CWF19L1: variants seen among roughly 807,000 people sequenced by gnomAD.
CWF19L1 encodes the protein CWF19 like cell cycle control factor 1.
Under a neutral mutation model 69.7 loss-of-function variants are expected in CWF19L1, and 60 were observed. That is an observed-to-expected ratio of 0.86 (90% CI 0.70 to 1.07). The LOEUF (loss-of-function observed/expected upper bound fraction) is 1.07, where lower values mean the gene tolerates loss of function less well. Ranked by LOEUF, CWF19L1 falls within the 50% of genes least tolerant of loss-of-function variation. The probability of loss-of-function intolerance (pLI) is 0.00; values close to 1 mark genes in which losing one functional copy is unlikely to be tolerated. For missense variants in CWF19L1, 591 were observed against 638.9 expected, an observed-to-expected ratio of 0.92 and a Z score of 0.81; for synonymous variants, 209 against 222.2, an observed-to-expected ratio of 0.94 and a Z score of 0.53.
chr10:100,261,380 G>A (rs1332230361), intron 2 of CWF19L1, among the ~76,000 whole-genome samples: 1 of 152,040 alleles, frequency 6.6e-6, no homozygotes, highest in African/African-American at 2.4e-5. Flanking sequence ...TCCTTCCCTG[G>A]AATATACAGT....
intron 9 of CWF19L1, 109 bp downstream of exon 9, chr10:100,245,690 A>C: frequency 1.3e-6 from 1 of 781,448 alleles, no homozygotes; most frequent in Non-Finnish European, 2.1e-6. Flanking sequence ...GACTCATTGC[A>C]CAATTCTCCC....
chr10:100,258,871 A>T lies in CWF19L1; in HGVS notation c.289+1347T>A, dbSNP rs534258868. Among the ~76,000 whole-genome samples the T allele has an allele frequency of 7.3e-5, 11 of 151,432 alleles. No individual in the cohort carries two copies. The East Asian group carries it at 2.1e-3, about 29-fold the overall frequency. On this transcript the variant is annotated intron_variant, in intron 4 of 13. Transcript: ENST00000354105. ...GAAGTTTTCTAGAGAAATAAGACCA[A>T]CAAGGAGGAAATGTGAAGAATAGTA...
In CWF19L1 at chr10:100,237,940, C is replaced by T. The variant is rs1305851564; in HGVS notation, c.1254+82G>A. On this transcript the variant is annotated intron_variant, in intron 11 of 13. Transcript: ENST00000354105. Reference sequence around the variant, plus strand: ...CTAGGATTACAGGCGTGAGCCACCTCGCCCAGCCTATTTAAATACTTATTT... The same window carrying T: ...CTAGGATTACAGGCGTGAGCCACCTTGCCCAGCCTATTTAAATACTTATTT... 25 of 1,369,064 alleles carry T rather than the reference C, an allele frequency of 1.8e-5. No homozygotes were observed. The Admixed American group carries it at 2.2e-4, about 12-fold the overall frequency. The allele number at this position is 1,369,064 out of a possible 1,614,324, so 84.8% of individuals were successfully genotyped here. A position where few individuals can be genotyped will look rare whatever the true frequency, so the allele number is the denominator to read the frequency against.
At chr10:100,267,431 T>A in intron 1 of CWF19L1, 140 bp downstream of exon 1, 2 of 1,555,404 alleles carry the variant, frequency 1.3e-6, no homozygotes, top group South Asian at 2.4e-5. Context: ...GGCAAAGACA[T>A]CACCTAAGCT....
chr10:100,252,834 CAAA>C (rs80333735), intron 6 of CWF19L1, among the ~76,000 whole-genome samples: 1 of 101,200 alleles, frequency 9.9e-6, no homozygotes. Flanking sequence ...GACTCCGTCT[CAAA>C]AAAAAAAAAA....
intron 4 of CWF19L1, among the ~76,000 whole-genome samples, chr10:100,256,826 A>G (rs1055771608): frequency 6.6e-6 from 1 of 152,204 alleles, no homozygotes; most frequent in Non-Finnish European, 1.5e-5. Context: ...AAATGCAGAC[A>G]TCTGGACACA....
At chr10:100,240,648 A>G (rs1417903577) in intron 10 of CWF19L1, among the ~76,000 whole-genome samples, 1 of 152,194 alleles carries the variant, frequency 6.6e-6, no homozygotes, top group Non-Finnish European at 1.5e-5. Flanking sequence ...GGAAAAGAAA[A>G]GTCACTTCTC....
intron 3 of CWF19L1, among the ~76,000 whole-genome samples, chr10:100,260,534 T>A (rs981026784): frequency 3.9e-5 from 6 of 152,032 alleles, no homozygotes; most frequent in South Asian, 2.1e-4. Context: ...TTTATTTTTT[T>A]TTTTTTGAGA....
At chr10:100,244,030 A>G (rs1846723181) in intron 9 of CWF19L1, among the ~76,000 whole-genome samples, 1 of 152,246 alleles carries the variant, frequency 6.6e-6, no homozygotes. Context: ...TGACTAAAGT[A>G]GCACATAACT....
chr10:100,237,141 A>T, intron 11 of CWF19L1, 172 bp from the exon 12 acceptor site: 1 of 815,614 alleles, frequency 1.2e-6, no homozygotes, highest in South Asian at 1.4e-5. Context: ...ACTTAAACTT[A>T]TGAGATAGCC....
In CWF19L1 at chr10:100,252,525, G is replaced by GA. The variant is rs555244988; in HGVS notation, c.623+895dup. ...AAAAACTCCACCTCTGAGTGCAAAA[G>GA]AAAAAAAATAAAAAAAAATATTTTC... On this transcript the variant is annotated intron_variant, in intron 6 of 13. Coordinates refer to ENST00000354105, the MANE Select transcript of CWF19L1 (RefSeq NM_018294.6). 1.0e-2 allele frequency among the ~76,000 whole-genome samples: 1,501 copies of GA among 150,842 alleles called. 26 individuals are homozygous for GA. Among genetic ancestry groups the GA allele is most frequent in the African/African-American group, 0.035 (1,443 of 41,202 alleles).
At chr10:100,266,091 G>A (rs950512973) in intron 1 of CWF19L1, among the ~76,000 whole-genome samples, 2 of 151,792 alleles carry the variant, frequency 1.3e-5, no homozygotes, top group East Asian at 1.9e-4. Context: ...TAACATTCTC[G>A]GGAAGCCTTC....
At chr10:100,253,348 G>A (rs572190126) in intron 6 of CWF19L1, 73 bp downstream of exon 6, 15 of 893,058 alleles carry the variant, frequency 1.7e-5, no homozygotes, top group African/African-American at 6.7e-5. Flanking sequence ...GGTTAAAAAC[G>A]AACAAGAGAA....
At chr10:100,257,866 G>A (rs1847266892) in intron 4 of CWF19L1, among the ~76,000 whole-genome samples, 1 of 151,824 alleles carries the variant, frequency 6.6e-6, no homozygotes, top group South Asian at 2.1e-4. Flanking sequence ...TTAATAATTT[G>A]ATCCTCTTCT....
Position 100,243,738 on chromosome 10 carries a change from G to A in CWF19L1, c.1004C>T (p.Pro335Leu). 6.2e-7 allele frequency: 1 copy of A among 1,614,156 alleles called. No homozygotes were observed. The highest frequency in any genetic ancestry group is 1.1e-5 in the South Asian group (1 of 91,080). The change falls in exon 10 of 14, where the codon CCT (proline) becomes CTT (leucine). Residue 335 changes from proline (P) to leucine (L), a missense_variant. By Grantham distance (98) the Pro-to-Leu change is moderately conservative (BLOSUM62 -3). Transcript: ENST00000354105. ...GACCACCAAATGTTTTTCCACTTCAGGGCTAGCAAGGCAAAACCAGCAGGG... is the reference window on the plus strand; with the variant it reads ...GACCACCAAATGTTTTTCCACTTCAAGGCTAGCAAGGCAAAACCAGCAGGG... ...PGPCWFCLAS[P>L]EVEKHLVVNI...
chr10:100,267,283 G>A (rs898872417), intron 1 of CWF19L1, among the ~76,000 whole-genome samples: 1 of 152,074 alleles, frequency 6.6e-6, no homozygotes, highest in African/African-American at 2.4e-5. Context: ...GAAGGGGAAA[G>A]GATGTGTCAG....
rs1355322834 is a variant in CWF19L1 at position 100,232,546 on chromosome 10, G to A, written c.*681C>T. On this transcript the variant is annotated 3_prime_UTR_variant, in exon 14 of 14. Transcript: ENST00000354105. ...TCCTGCCTCAGCCTCCTGAGTAGCT[G>A]GGATTACAAGTGCCTGGCACCACGC... is the stretch of plus-strand genomic sequence containing the variant. The A allele has an allele frequency of 1.3e-5, 2 of 152,468 alleles. No homozygotes were observed. The highest frequency in any genetic ancestry group is 4.8e-5 in the African/African-American group (2 of 41,580). The allele number at this position is 152,468 out of a possible 1,614,324, so 9.4% of individuals were successfully genotyped here. A position where few individuals can be genotyped will look rare whatever the true frequency, so the allele number is the denominator to read the frequency against.
rs758944974 is a variant in CWF19L1, at chr10:100,256,388, A to G, written c.378T>C (p.Tyr126=). 14 of 1,614,160 alleles carry G rather than the reference A, an allele frequency of 8.7e-6. No homozygotes were observed. The highest frequency in any genetic ancestry group is 1.2e-5 in the Non-Finnish European group (14 of 1,179,984). ...AAGACACATCCTTGGGACTAAAACT[A>G]TAACCTGGTACTGGCTCATTTAAGG... The part of the protein sequence containing the change: ...TESLNEPVPG[Y]SFSPKDVSSL... Residue 126 remains tyrosine (Y), a synonymous_variant, in exon 5 of 14, where the codon TAT becomes TAC. Coordinates refer to ENST00000354105, the MANE Select transcript of CWF19L1 (RefSeq NM_018294.6).
intron 7 of CWF19L1, chr10:100,248,603 A>G (rs1176511263): frequency 2.7e-6 from 2 of 742,526 alleles, no homozygotes; most frequent in Non-Finnish European, 4.9e-6. Flanking sequence ...GATTATGATA[A>G]GCGTGTGCTG....
Sources: gnomAD v4.1 joint callset for allele counts (sites outside exome capture counted in the v4.1 genomes callset) on GRCh38, gnomAD v4.1.1 for gene constraint, MANE v1.5 for transcripts, NCBI Gene and HGNC (gene_info 2026-07-23, HGNC 2026-07-21) for gene names.